RTN4RL1: variants seen among roughly 807,000 people sequenced by gnomAD.
The protein encoded by RTN4RL1 is reticulon 4 receptor like 1.
Under a neutral mutation model 25.6 loss-of-function variants are expected in RTN4RL1, and 7 were observed. The ratio of observed to expected loss-of-function variants is 0.27; its 90% confidence interval spans 0.16 to 0.51. The LOEUF (loss-of-function observed/expected upper bound fraction) is 0.51, where lower values mean the gene tolerates loss of function less well. RTN4RL1 is among the 20% of genes least tolerant of loss of function. RTN4RL1 has a pLI of 0.97. For missense variants in RTN4RL1, 500 were observed against 615.6 expected (o/e 0.81, Z 1.99); for synonymous variants, 297 against 288.2 (o/e 1.03, Z -0.31).
At chr17:1,988,819 G>C (rs2066898002) in intron 1 of RTN4RL1, among the ~76,000 whole-genome samples, 1 of 151,558 alleles carries the variant, frequency 6.6e-6, no homozygotes. Flanking sequence ...GGCTGAGGCA[G>C]GGGCAACATT....
intron 1 of RTN4RL1, among the ~76,000 whole-genome samples, chr17:2,023,880 CAG>C (rs1342415711): frequency 6.6e-6 from 1 of 152,192 alleles, no homozygotes; most frequent in East Asian, 1.9e-4. Context: ...CCGGGGCAGC[CAG>C]CCGCAGGCGC....
rs1345311110 is a variant in RTN4RL1 at position 1,937,336 on chromosome 17, C to T, written c.486G>A (p.Glu162=). ...QYLYLQDNHI[E]YLQDDIFVDL... is the part of the protein sequence containing the mutation. ...CCACGAAGATGTCGTCCTGGAGGTACTCGATGTGGTTGTCCTGCAGGTAGA... is the reference window on the plus strand; with the variant it reads ...CCACGAAGATGTCGTCCTGGAGGTATTCGATGTGGTTGTCCTGCAGGTAGA... Residue 162 remains glutamate (E), a synonymous_variant, in exon 2 of 2, where the codon GAG becomes GAA. Coordinates refer to ENST00000331238, the MANE Select transcript of RTN4RL1 (RefSeq NM_178568.4). The T allele has an allele frequency of 6.2e-7, 1 of 1,613,660 alleles. No individual in the cohort carries two copies. Among genetic ancestry groups the T allele is most frequent in the Non-Finnish European group, 8.5e-7 (1 of 1,179,894 alleles).
At chr17:1,976,470 G>T (rs1008721322) in intron 1 of RTN4RL1, among the ~76,000 whole-genome samples, 1 of 152,242 alleles carries the variant, frequency 6.6e-6, no homozygotes, top group African/African-American at 2.4e-5. Context: ...GTTACAAAGA[G>T]GTTTAAGTAG....
intron 1 of RTN4RL1, among the ~76,000 whole-genome samples, chr17:1,993,632 A>G (rs1268700563): frequency 5.3e-5 from 8 of 152,152 alleles, no homozygotes; most frequent in Non-Finnish European, 1.2e-4. Flanking sequence ...TCAATAAAGC[A>G]TCCGTTCCCT....
At chr17:2,024,766 G>T (rs915707400) in intron 1 of RTN4RL1, 87 bp downstream of exon 1, 9 of 1,390,720 alleles carry the variant, frequency 6.5e-6, no homozygotes, top group South Asian at 1.3e-5. Flanking sequence ...TTCCCAGACC[G>T]GGAGCCCCGG....
chr17:2,006,158 ATT>A (rs781005282), intron 1 of RTN4RL1, among the ~76,000 whole-genome samples: 10 of 124,400 alleles, frequency 8.0e-5, no homozygotes, highest in Non-Finnish European at 8.6e-5. Flanking sequence ...GAGGTTTGCA[ATT>A]TTTTTTTTTT....
intron 1 of RTN4RL1, among the ~76,000 whole-genome samples, chr17:1,969,779 A>G (rs1172746429): frequency 6.6e-6 from 1 of 152,204 alleles, no homozygotes; most frequent in Admixed American, 6.6e-5. Context: ...CGAGGGCTTA[A>G]AACAAAACCA....
chr17:1,984,471 C>G (rs536921805), intron 1 of RTN4RL1, among the ~76,000 whole-genome samples: 3 of 152,214 alleles, frequency 2.0e-5, no homozygotes, highest in African/African-American at 7.2e-5. Context: ...TCAAGCGACC[C>G]TCCCTCCTTA....
At chr17:2,024,583 G>A (rs939677321) in intron 1 of RTN4RL1, among the ~76,000 whole-genome samples, 1 of 152,156 alleles carries the variant, frequency 6.6e-6, no homozygotes, top group East Asian at 1.9e-4. Context: ...TTCCACCACC[G>A]GCCGCTCACT....
rs1327981939 is a variant in RTN4RL1 at position 1,935,637 on chromosome 17, G to C, written c.*859C>G. ...TACAATCCTTAGTTCAGCAAATACA[G>C]TTTTCTGTATAGTTTATAAACATGA... On this transcript the variant is annotated 3_prime_UTR_variant, in exon 2 of 2. Transcript: ENST00000331238. 16 of 978,368 alleles carry C rather than the reference G, an allele frequency of 1.6e-5. No homozygotes were observed. The highest frequency in any genetic ancestry group is 1.8e-5 in the Non-Finnish European group (15 of 827,514). The allele number at this position is 978,368 out of a possible 1,614,324, so 60.6% of individuals were successfully genotyped here. A position where few individuals can be genotyped will look rare whatever the true frequency, so the allele number is the denominator to read the frequency against.
chr17:2,000,703 A>T (rs533801708), intron 1 of RTN4RL1, among the ~76,000 whole-genome samples: 1 of 151,670 alleles, frequency 6.6e-6, no homozygotes, highest in African/African-American at 2.4e-5. Context: ...TATTTTTAGT[A>T]GAGATGGGGT....
chr17:2,003,232 G>T (rs2066970934), intron 1 of RTN4RL1: 1 of 152,320 alleles, frequency 6.6e-6, no homozygotes, highest in African/African-American at 2.4e-5. Flanking sequence ...AGTCCTGAAG[G>T]CCTCCGATAC....
chr17:2,024,164 T>C (rs2067245417), intron 1 of RTN4RL1, among the ~76,000 whole-genome samples: 1 of 152,172 alleles, frequency 6.6e-6, no homozygotes. Context: ...GGCGTCTAGC[T>C]ACGGTGGTCG....
At chr17:2,024,156 C>A (rs1233836162) in intron 1 of RTN4RL1, among the ~76,000 whole-genome samples, 1 of 152,202 alleles carries the variant, frequency 6.6e-6, no homozygotes, top group Non-Finnish European at 1.5e-5. Context: ...GCTGCTGGGG[C>A]GTCTAGCTAC....
chr17:1,945,909 C>T (rs1355037639), intron 1 of RTN4RL1, among the ~76,000 whole-genome samples: 2 of 152,220 alleles, frequency 1.3e-5, no homozygotes, highest in Non-Finnish European at 2.9e-5. Context: ...GCTCAGGAAG[C>T]CCTAGGCCCA....
intron 1 of RTN4RL1, chr17:2,017,854 G>C (rs971195538): frequency 2.0e-5 from 3 of 152,262 alleles, no homozygotes; most frequent in Admixed American, 6.5e-5. Flanking sequence ...TCGGAAGCAC[G>C]AGCCTCACCA....
In RTN4RL1 at chr17:1,947,234, A is replaced by C. The variant is rs553177602; in HGVS notation, c.14-9426T>G. Among the ~76,000 whole-genome samples, 42 of 152,282 alleles carry C rather than the reference A, an allele frequency of 2.8e-4. No individual in the cohort carries two copies. In the South Asian group the frequency reaches 5.2e-3, roughly 19 times the overall value. Reference sequence around the variant, plus strand: ...TCTGCGCACGCACGCTTGTGTGCTCATGTACCTGGGCGGGCCTGTGTTTAC... The same window carrying C: ...TCTGCGCACGCACGCTTGTGTGCTCCTGTACCTGGGCGGGCCTGTGTTTAC... On this transcript the variant is annotated intron_variant, in intron 1 of 1. Coordinates refer to ENST00000331238, the MANE Select transcript of RTN4RL1 (RefSeq NM_178568.4).
intron 1 of RTN4RL1, among the ~76,000 whole-genome samples, chr17:2,016,744 A>G (rs2067129701): frequency 2.0e-5 from 3 of 152,220 alleles, no homozygotes; most frequent in Admixed American, 1.3e-4. Flanking sequence ...GCGCCAGAGC[A>G]TAGCCATTGT....
chr17:2,015,957 G>A (rs2067116690), intron 1 of RTN4RL1, among the ~76,000 whole-genome samples: 1 of 152,176 alleles, frequency 6.6e-6, no homozygotes, highest in Non-Finnish European at 1.5e-5. Flanking sequence ...GAGCCTCCAA[G>A]CTGGAGGGGC....
Sources: allele counts gnomAD v4.1 joint callset (sites outside exome capture counted in the v4.1 genomes callset), GRCh38; gene constraint gnomAD v4.1.1; transcripts MANE v1.5; gene names NCBI Gene and HGNC (gene_info 2026-07-23, HGNC 2026-07-21).